CIB1: variants seen among roughly 807,000 people sequenced by gnomAD.
CIB1 encodes the protein calcium and integrin-binding protein 1.
CIB1 carries 19 observed loss-of-function variants against 25.0 expected under a neutral mutation model. That is an observed-to-expected ratio of 0.76 (90% CI 0.53 to 1.12). The LOEUF is 1.12. Ranked by LOEUF, CIB1 falls within the 50% of genes most tolerant of loss-of-function variation. The probability of loss-of-function intolerance (pLI) is 0.00; values close to 1 mark genes in which losing one functional copy is unlikely to be tolerated. For missense variants in CIB1, 236 were observed against 242.6 expected (o/e 0.97, Z 0.18); for synonymous variants, 104 against 98.5 (o/e 1.06, Z -0.33).
the CIB1 span, chr15:90,263,427 C>T: frequency 1.2e-5 from 6 of 482,580 alleles, no homozygotes; most frequent in Non-Finnish European, 2.2e-5. Context: ...AATAACCCCA[C>T]ACTCATGACT....
In CIB1 at chr15:90,233,891, C is replaced by A; in HGVS notation, c.-6G>T. On this transcript the variant is annotated 5_prime_UTR_variant, in exon 1 of 7. Transcript: ENST00000328649. ...CGACTGCCCGAGCCCCCCATCGCCC[C>A]GCCGCGCGCACAGCTCCGCCAACTC... is the stretch of plus-strand genomic sequence containing the variant. 6.8e-7 allele frequency: 1 copy of A among 1,468,508 alleles called. No homozygotes were observed. Among genetic ancestry groups the A allele is most frequent in the African/African-American group, 1.4e-5 (1 of 70,064 alleles). 91.0% of individuals were successfully genotyped at this position (1,468,508 alleles called of 1,614,324 possible). A position where few individuals can be genotyped will look rare whatever the true frequency, so the allele number is the denominator to read the frequency against.
rs1277220889 is a variant in CIB1, at chr15:90,232,297, G to A, written c.117C>T (p.Pro39=). The change falls in exon 3 of 7, where the codon CCC becomes CCT. Residue 39 remains proline, a synonymous_variant. Coordinates refer to ENST00000328649, the MANE Select transcript of CIB1 (RefSeq NM_006384.4). ...LAHRRFCELL[P]QEQRSVESSL... is the part of the protein sequence containing the mutation. ...ACGACTCCACGCTCCGCTGCTCCTG[G>A]GGAAGCAGCTCACAAAACCGCCTGT... is the stretch of plus-strand genomic sequence containing the variant. 1.2e-6 allele frequency: 2 copies of A among 1,611,324 alleles called. No homozygotes were observed. The highest frequency in any genetic ancestry group is 1.7e-6 in the Non-Finnish European group (2 of 1,178,020).
the CIB1 span, chr15:90,265,308 C>T: frequency 1.7e-6 from 2 of 1,210,350 alleles, no homozygotes; most frequent in Non-Finnish European, 2.1e-6. Context: ...GAGCCCCTTT[C>T]CCAGAGAAGC....
At chr15:90,258,092 G>A in the CIB1 span, 3 of 1,614,218 alleles carry the variant, frequency 1.9e-6, no homozygotes, top group Non-Finnish European at 2.5e-6. Context: ...ACCCTGGAGA[G>A]CTGTGGGGGG....
At chr15:90,258,203 T>G in the CIB1 span, 18 of 1,614,274 alleles carry the variant, frequency 1.1e-5, no homozygotes, top group Non-Finnish European at 1.4e-5. Flanking sequence ...GAGGTACATG[T>G]GCCTGTTTTG....
the CIB1 span, chr15:90,255,887 T>A: frequency 4.3e-6 from 7 of 1,613,388 alleles, no homozygotes; most frequent in Non-Finnish European, 5.9e-6. Context: ...CCCCGCAGAG[T>A]GAGTGGGTCT....
chr15:90,241,298 G>C, the CIB1 span: 2 of 1,614,192 alleles, frequency 1.2e-6, no homozygotes, highest in Non-Finnish European at 1.7e-6. Context: ...ACAAGATCCG[G>C]CCCGGAGAAG....
At chr15:90,258,923 T>C in the CIB1 span, 1 of 1,614,170 alleles carries the variant, frequency 6.2e-7, no homozygotes, top group South Asian at 1.1e-5. Context: ...GCCACGAGAA[T>C]CTAGGTGTGC....
In CIB1 at chr15:90,231,346, C is replaced by T; in HGVS notation, c.346+11G>A. On this transcript the variant is annotated intron_variant, in intron 4 of 6. Coordinates refer to ENST00000328649, the MANE Select transcript of CIB1 (RefSeq NM_006384.4). ...GGGGTGGTGTCCTGCCGGGCTGCTCCTGGTTCTCACCAAAGATGCGGAAGG... is the reference window on the plus strand; with the variant it reads ...GGGGTGGTGTCCTGCCGGGCTGCTCTTGGTTCTCACCAAAGATGCGGAAGG... 1 of 1,613,376 alleles carries T rather than the reference C, an allele frequency of 6.2e-7. No individual in the cohort carries two copies. Among genetic ancestry groups the T allele is most frequent in the Admixed American group, 1.7e-5 (1 of 59,996 alleles).
chr15:90,263,160 G>C, the CIB1 span: 4 of 1,514,938 alleles, frequency 2.6e-6, no homozygotes, highest in Non-Finnish European at 3.5e-6. Flanking sequence ...GGGTCCCTGT[G>C]AAGTCTCCCA....
rs1174653014 is a variant in CIB1, at chr15:90,231,443, C to T, written c.260G>A (p.Ser87Asn). 3 of 1,614,218 alleles carry T rather than the reference C, an allele frequency of 1.9e-6. No homozygotes were observed. Among genetic ancestry groups the T allele is most frequent in the Non-Finnish European group, 2.5e-6 (3 of 1,180,032 alleles). ...GAGGAGATCCAGGAAGTCCTCAAAG[C>T]TAAGGCTGTCTTTGGCTGGGGATGT... ...FSTSPAKDSL[S>N]FEDFLDLLSV... The change falls in exon 4 of 7, where the codon AGC (serine) becomes AAC (asparagine). Residue 87 changes from serine to asparagine, a missense_variant. Coordinates refer to ENST00000328649, the MANE Select transcript of CIB1 (RefSeq NM_006384.4).
the CIB1 span, chr15:90,264,866 G>A: frequency 1.3e-6 from 2 of 1,536,010 alleles, no homozygotes; most frequent in African/African-American, 1.4e-5. Flanking sequence ...GCCCTCCATG[G>A]TAAACTCTGA....
At chr15:90,261,735 G>A in the CIB1 span, among the ~76,000 whole-genome samples, 1 of 152,198 alleles carries the variant, frequency 6.6e-6, no homozygotes, top group East Asian at 1.9e-4. Context: ...AGCAGAGATT[G>A]TGCCAGTGCA....
At chr15:90,241,673 C>A in the CIB1 span, 1 of 1,614,242 alleles carries the variant, frequency 6.2e-7, no homozygotes, top group Non-Finnish European at 8.5e-7. Flanking sequence ...CTCCTGGCTT[C>A]CTCTTTTACA....
the CIB1 span, among the ~76,000 whole-genome samples, chr15:90,253,093 G>A: frequency 5.9e-5 from 9 of 152,310 alleles, no homozygotes; most frequent in East Asian, 1.7e-3. Flanking sequence ...ACTTGAAATT[G>A]TCATGTGGTA....
chr15:90,254,484 C>G, the CIB1 span, among the ~76,000 whole-genome samples: 1 of 82,570 alleles, frequency 1.2e-5, no homozygotes, highest in Admixed American at 1.7e-4. Context: ...CAGAGTGAGA[C>G]TCCATCTAAA....
chr15:90,262,661 GAGA>G, the CIB1 span: 3 of 1,488,072 alleles, frequency 2.0e-6, no homozygotes, highest in Non-Finnish European at 8.9e-7. Flanking sequence ...CCGCAACTGG[GAGA>G]AAGAGGTGCC....
upstream of CIB1, among the ~76,000 whole-genome samples, chr15:90,234,924 G>A (rs536034382): frequency 2.5e-4 from 38 of 152,290 alleles, no homozygotes; most frequent in African/African-American, 8.4e-4. Context: ...GGAGGAGGAA[G>A]TGGAGGTTGT....
chr15:90,236,758 G>C (rs1219200864), upstream of CIB1, among the ~76,000 whole-genome samples: 1 of 151,600 alleles, frequency 6.6e-6, no homozygotes. Context: ...GGATGGTCTC[G>C]ATCTCCTGAT....
Sources: allele counts gnomAD v4.1 joint callset (sites outside exome capture counted in the v4.1 genomes callset), GRCh38; gene constraint gnomAD v4.1.1; transcripts MANE v1.5; gene names NCBI Gene and HGNC (gene_info 2026-07-23, HGNC 2026-07-21).